POC1B: variants seen among roughly 807,000 people sequenced by gnomAD.
POC1B encodes the protein POC1 centriolar protein homolog B.
In POC1B, 44 loss-of-function variants were observed where a neutral mutation model predicts 60.6. The ratio of observed to expected loss-of-function variants is 0.73; its 90% CI spans 0.57 to 0.93. POC1B has a LOEUF of 0.93. Ranked by LOEUF, POC1B falls within the 40% of genes least tolerant of loss-of-function variation. The pLI, the probability that POC1B is intolerant of heterozygous loss-of-function variation, is 0.00. For synonymous variants in POC1B, 180 were observed against 198.9 expected, an observed-to-expected ratio of 0.90 and a Z score of 0.80; for missense variants, 555 against 572.3, an observed-to-expected ratio of 0.97 and a Z score of 0.31.
At chr12:89,451,950 G>A (rs942053974) in intron 10 of POC1B, among the ~76,000 whole-genome samples, 2 of 152,178 alleles carry the variant, frequency 1.3e-5, no homozygotes, top group African/African-American at 2.4e-5. Flanking sequence ...CTATAGGTCA[G>A]CAGGAAGCTC....
chr12:89,472,158 G>A lies in POC1B; in HGVS notation c.560+10C>T, dbSNP rs1464090524. ...TAACCCACATAAATGCACAAAGAAAGTGTACTTACCCAACGGAATCTGAGA... is the reference window on the plus strand; with the variant it reads ...TAACCCACATAAATGCACAAAGAAAATGTACTTACCCAACGGAATCTGAGA... On this transcript the variant is annotated intron_variant, in intron 5 of 11. Transcript: ENST00000313546. 4 of 1,510,952 alleles carry A rather than the reference G, an allele frequency of 2.6e-6. No homozygotes were observed. Among genetic ancestry groups the A allele is most frequent in the Admixed American group, 3.6e-5 (2 of 56,102 alleles). 93.6% of individuals were successfully genotyped at this position (1,510,952 alleles called of 1,614,324 possible). A position where few individuals can be genotyped will look rare whatever the true frequency, so the allele number is the denominator to read the frequency against.
intron 10 of POC1B, among the ~76,000 whole-genome samples, chr12:89,431,291 C>T (rs905645300): frequency 6.6e-5 from 10 of 152,120 alleles, no homozygotes; most frequent in Non-Finnish European, 1.2e-4. Flanking sequence ...AAGTGTTTCC[C>T]ATTATTGAAG....
intron 1 of POC1B, chr12:89,525,651 G>C: frequency 7.8e-7 from 1 of 1,277,090 alleles, no homozygotes. Flanking sequence ...GCTCAGTCCG[G>C]AGCTCCGGAA....
the POC1B span, among the ~76,000 whole-genome samples, chr12:89,407,057 G>A: frequency 6.7e-6 from 1 of 148,244 alleles, no homozygotes; most frequent in East Asian, 2.1e-4. Flanking sequence ...CTGAGGCAGG[G>A]AGAATTGCTT....
chr12:89,407,604 G>A, the POC1B span, among the ~76,000 whole-genome samples: 1 of 152,138 alleles, frequency 6.6e-6, no homozygotes, highest in South Asian at 2.1e-4. Flanking sequence ...CACTGCAGGG[G>A]CCAAACAAAA....
intron 11 of POC1B, among the ~76,000 whole-genome samples, chr12:89,423,151 C>T (rs576918778): frequency 2.0e-5 from 3 of 151,192 alleles, no homozygotes; most frequent in African/African-American, 7.4e-5. Context: ...ACCATAGGTG[C>T]GTGCCACCCT....
At chr12:89,477,397 C>A (rs887514244) in intron 4 of POC1B, among the ~76,000 whole-genome samples, 25 of 152,048 alleles carry the variant, frequency 1.6e-4, no homozygotes, top group Admixed American at 1.1e-3. Flanking sequence ...CATCTATGTG[C>A]CCAGAATTCC....
rs892710075 is a variant in POC1B, at chr12:89,498,408, T to C, written c.101-1066A>G. Among the ~76,000 whole-genome samples the C allele has an allele frequency of 2.6e-5, 4 of 152,312 alleles. No homozygotes were observed. The East Asian group carries it at 5.8e-4, about 22-fold the overall frequency. On this transcript the variant is annotated intron_variant, in intron 2 of 11. Coordinates refer to ENST00000313546, the MANE Select transcript of POC1B (RefSeq NM_172240.3). ...TGTAGCCCTAGAATGGCTCCAATAA[T>C]AGGAAGTAGGTCAATGAGAATCACT...
At chr12:89,470,625 A>C in intron 6 of POC1B, 131 bp from the exon 7 acceptor site, 1 of 609,958 alleles carries the variant, frequency 1.6e-6, no homozygotes. Context: ...TATATGGCTC[A>C]CTAAAACGAG....
intron 2 of POC1B, among the ~76,000 whole-genome samples, chr12:89,516,933 T>A (rs1454814612): frequency 6.6e-6 from 1 of 152,174 alleles, no homozygotes; most frequent in Non-Finnish European, 1.5e-5. Flanking sequence ...ACCCAGATAA[T>A]TCAGGATGAT....
Position 89,472,160 on chromosome 12 carries a change from G to A in POC1B, c.560+8C>T. ...ACCCACATAAATGCACAAAGAAAGT[G>A]TACTTACCCAACGGAATCTGAGAAG... On this transcript the variant is annotated splice_region_variant and intron_variant, in intron 5 of 11. Transcript: ENST00000313546. The A allele has an allele frequency of 2.6e-6, 4 of 1,530,016 alleles. No individual in the cohort carries two copies. The highest frequency in any genetic ancestry group is 2.7e-6 in the Non-Finnish European group (3 of 1,108,620). The allele number at this position is 1,530,016 out of a possible 1,614,324, so 94.8% of individuals were successfully genotyped here.
chr12:89,416,502 T>C (rs931146961), downstream of POC1B, among the ~76,000 whole-genome samples: 6 of 152,012 alleles, frequency 3.9e-5, no homozygotes, highest in African/African-American at 7.2e-5. Flanking sequence ...CTCGAAAAGG[T>C]AAGGATTGAG....
At chr12:89,416,771 G>A (rs1880373157), downstream of POC1B, among the ~76,000 whole-genome samples, 1 of 152,226 alleles carries the variant, frequency 6.6e-6, no homozygotes, top group Admixed American at 6.5e-5. Flanking sequence ...TTAAATGTCA[G>A]TAGGTAAATA....
downstream of POC1B, among the ~76,000 whole-genome samples, chr12:89,419,298 A>G (rs566972024): frequency 6.6e-6 from 1 of 152,236 alleles, no homozygotes; most frequent in African/African-American, 2.4e-5. Flanking sequence ...GATGAAGATG[A>G]AGGAGATTCC....
Position 89,439,966 on chromosome 12 carries a change from C to T in POC1B, c.1114-14587G>A, listed in dbSNP as rs147025693. Among the ~76,000 whole-genome samples, 18 of 152,244 alleles carry T rather than the reference C, an allele frequency of 1.2e-4. No individual in the cohort carries two copies. In the East Asian group the frequency reaches 2.1e-3, roughly 18 times the overall value. On this transcript the variant is annotated intron_variant, in intron 10 of 11. Coordinates refer to ENST00000313546, the MANE Select transcript of POC1B (RefSeq NM_172240.3). ...TTTTCCAGGAAAACTCTCTCTGATCCCACACATTACTGCCTTCAATTCATA... is the reference window on the plus strand; with the variant it reads ...TTTTCCAGGAAAACTCTCTCTGATCTCACACATTACTGCCTTCAATTCATA...
intron 11 of POC1B, among the ~76,000 whole-genome samples, chr12:89,422,168 C>G (rs1011168459): frequency 6.6e-6 from 1 of 152,082 alleles, no homozygotes; most frequent in African/African-American, 2.4e-5. Context: ...ATAGCAAGAA[C>G]TAGACTCTGC....
At chr12:89,403,050 C>G in the POC1B span, among the ~76,000 whole-genome samples, 1 of 151,786 alleles carries the variant, frequency 6.6e-6, no homozygotes, top group Non-Finnish European at 1.5e-5. Flanking sequence ...CTCTGTCACC[C>G]AGGCTGGAAT....
chr12:89,525,752 G>A (rs376561774), intron 1 of POC1B, 129 bp downstream of exon 1: 1 of 1,323,336 alleles, frequency 7.6e-7, no homozygotes, highest in South Asian at 2.0e-5. Context: ...CCGGGACGAG[G>A]GGCTCAGGAC....
intron 10 of POC1B, among the ~76,000 whole-genome samples, chr12:89,449,068 T>C (rs572318147): frequency 6.6e-6 from 1 of 152,352 alleles, no homozygotes; most frequent in African/African-American, 2.4e-5. Context: ...TAAATCATAC[T>C]GACCACAAGG....
Sources: allele counts gnomAD v4.1 joint callset (sites outside exome capture counted in the v4.1 genomes callset), GRCh38; gene constraint gnomAD v4.1.1; transcripts MANE v1.5; gene names NCBI Gene and HGNC (gene_info 2026-07-23, HGNC 2026-07-21).